The following TTBK2 variants were observed in gnomAD, a reference collection of about 807,000 sequenced individuals.
The protein encoded by TTBK2 is tau-tubulin kinase 2.
Under a neutral mutation model 110.8 loss-of-function variants are expected in TTBK2, and 28 were observed. The observed-to-expected ratio is 0.25, with a 90% CI of 0.19 to 0.35. The LOEUF (loss-of-function observed/expected upper bound fraction) is 0.35. Among genes scored for constraint, TTBK2 ranks in the 10% least tolerant of loss-of-function variants. The probability of loss-of-function intolerance (pLI) is 1.00; values close to 1 mark genes in which losing one functional copy is unlikely to be tolerated. For missense variants in TTBK2, 1,369 were observed against 1,500.3 expected (o/e 0.91, Z 1.45); for synonymous variants, 532 against 527.3 (o/e 1.01, Z -0.12).
chr15:42,881,441 CA>C (rs1013454825), intron 1 of TTBK2, among the ~76,000 whole-genome samples: 6 of 148,626 alleles, frequency 4.0e-5, no homozygotes, highest in African/African-American at 1.5e-4. Flanking sequence ...TACGAAAGCA[CA>C]ATCAATAGAT....
chr15:42,830,883 T>C (rs1425725976), intron 4 of TTBK2, among the ~76,000 whole-genome samples: 1 of 151,860 alleles, frequency 6.6e-6, no homozygotes. Context: ...TACGCGCCTG[T>C]AGTCCCAGCT....
intron 4 of TTBK2, 143 bp from the exon 5 acceptor site, chr15:42,830,221 CTT>C (rs1233436810): frequency 1.0e-6 from 1 of 979,814 alleles, no homozygotes; most frequent in East Asian, 2.8e-5. Flanking sequence ...GAGTTTCACT[CTT>C]GTTGCCCAGG....
intron 6 of TTBK2, among the ~76,000 whole-genome samples, chr15:42,817,344 TAC>T (rs933166702): frequency 1.3e-5 from 2 of 152,146 alleles, no homozygotes; most frequent in Admixed American, 6.5e-5. Context: ...CATTTTAAAA[TAC>T]AGAGGCATTT....
rs1218266909 is a variant in TTBK2, at chr15:42,827,939, C to T, written c.526G>A (p.Asp176Asn). 6.2e-7 allele frequency: 1 copy of T among 1,613,112 alleles called. No homozygotes were observed. Among genetic ancestry groups the T allele is most frequent in the East Asian group, 2.2e-5 (1 of 44,756 alleles). The change falls in exon 6 of 15, where the codon GAC becomes AAC. Residue 176 changes from aspartate (D) to asparagine (N), a missense_variant. Asp to Asn is a conservative substitution (Grantham distance 23). Transcript: ENST00000267890. ...ATGAAAAATCTTACTGGTCTGACGT[C>T]ACCACAGGAATTGGTAAATTGTCGA... is the stretch of plus-strand genomic sequence containing the variant. The part of the protein sequence containing the change: ...LARQFTNSCG[D>N]VRPPRAVAGF...
intron 3 of TTBK2, among the ~76,000 whole-genome samples, chr15:42,846,561 C>A (rs2141032741): frequency 6.6e-6 from 1 of 152,302 alleles, no homozygotes; most frequent in Non-Finnish European, 1.5e-5. Flanking sequence ...CTGACAGGAA[C>A]AACCAACTAT....
intron 13 of TTBK2, among the ~76,000 whole-genome samples, chr15:42,771,163 T>TG (rs1359383425): frequency 1.3e-5 from 2 of 151,760 alleles, no homozygotes; most frequent in Non-Finnish European, 2.9e-5. Context: ...TTAGTAGAGA[T>TG]GGGGTTTCAC....
chr15:42,878,028 AAAAG>A (rs1401817899), intron 2 of TTBK2, among the ~76,000 whole-genome samples: 2 of 151,768 alleles, frequency 1.3e-5, no homozygotes, highest in Non-Finnish European at 2.9e-5. Context: ...TAAAAAAAAA[AAAAG>A]AGAGAGCAGC....
At chr15:42,868,367 G>A (rs1894467866) in intron 3 of TTBK2, among the ~76,000 whole-genome samples, 1 of 152,136 alleles carries the variant, frequency 6.6e-6, no homozygotes, top group African/African-American at 2.4e-5. Context: ...GGGTGATAAT[G>A]ATGTATCAAT....
At chr15:42,896,860 A>AT (rs1171257825) in intron 1 of TTBK2, among the ~76,000 whole-genome samples, 1 of 151,914 alleles carries the variant, frequency 6.6e-6, no homozygotes, top group African/African-American at 2.4e-5. Context: ...TATTATTAAA[A>AT]TTTTTTTAAT....
At chr15:42,765,676 C>G (rs1889332899) in intron 13 of TTBK2, among the ~76,000 whole-genome samples, 1 of 152,150 alleles carries the variant, frequency 6.6e-6, no homozygotes. Flanking sequence ...AGAATGGAAC[C>G]AAGCTGCAAA....
Position 42,775,609 on chromosome 15 carries a change from A to G in TTBK2, c.1524T>C (p.Asp508=). ...VSRTDHIWHY[D]EEYLPDASKP... ...TGGAGGCATCTGGAAGATATTCTTCATCATAGTGCCAGATGTGGTCAGTAC... is the reference window on the plus strand; with the variant it reads ...TGGAGGCATCTGGAAGATATTCTTCGTCATAGTGCCAGATGTGGTCAGTAC... The change falls in exon 13 of 15, where the codon GAT becomes GAC. Residue 508 remains aspartate, a synonymous_variant. Coordinates refer to ENST00000267890, the MANE Select transcript of TTBK2 (RefSeq NM_173500.4). The G allele has an allele frequency of 6.2e-7, 1 of 1,614,110 alleles. No individual in the cohort carries two copies. Among genetic ancestry groups the G allele is most frequent in the Non-Finnish European group, 8.5e-7 (1 of 1,179,982 alleles).
chr15:42,794,563 G>C (rs1890848014), intron 10 of TTBK2, 81 bp downstream of exon 10: 1 of 1,592,872 alleles, frequency 6.3e-7, no homozygotes, highest in Non-Finnish European at 8.6e-7. Flanking sequence ...TTGGTCATCT[G>C]AGGGAATCTG....
intron 3 of TTBK2, among the ~76,000 whole-genome samples, chr15:42,841,985 G>A (rs1210816517): frequency 6.6e-6 from 1 of 152,186 alleles, no homozygotes; most frequent in Non-Finnish European, 1.5e-5. Context: ...TGGACAATAC[G>A]TGGAAGGTTG....
At chr15:42,766,603 C>T (rs776048767) in intron 13 of TTBK2, among the ~76,000 whole-genome samples, 1 of 151,948 alleles carries the variant, frequency 6.6e-6, no homozygotes, top group South Asian at 2.1e-4. Flanking sequence ...TATATATGCA[C>T]CCAATACAGG....
rs2061748702 is a variant in TTBK2, at chr15:42,741,178, C to CT, written c.*4616dup. 6.6e-6 allele frequency: 1 copy of CT among 152,240 alleles called. No individual in the cohort carries two copies. The highest frequency in any genetic ancestry group is 6.5e-5 in the Admixed American group (1 of 15,282). The allele number at this position is 152,240 out of a possible 1,614,324, so 9.4% of individuals were successfully genotyped here. The stretch of plus-strand genomic sequence containing the variant: ...CTCAATGATAGGATGAGTTTCCACT[C>CT]TACTTCCTTATCCTCAAGGCACACA... On this transcript the variant is annotated 3_prime_UTR_variant, in exon 15 of 15. Coordinates refer to ENST00000267890, the MANE Select transcript of TTBK2 (RefSeq NM_173500.4).
At chr15:42,823,438 G>A (rs1892393904) in intron 6 of TTBK2, among the ~76,000 whole-genome samples, 1 of 152,164 alleles carries the variant, frequency 6.6e-6, no homozygotes, top group African/African-American at 2.4e-5. Flanking sequence ...AAAGAGTAGA[G>A]GCTGTCAAAA....
chr15:42,916,518 G>A (rs773707018), intron 1 of TTBK2, among the ~76,000 whole-genome samples: 8 of 152,184 alleles, frequency 5.3e-5, no homozygotes, highest in African/African-American at 1.2e-4. Context: ...GTTGGGATGC[G>A]GTTTCGCCAC....
Position 42,805,602 on chromosome 15 carries a change from A to T in TTBK2, c.822+5012T>A, listed in dbSNP as rs1184969820. ...TAAGGCGTAATGGGGCAGAGGCAAC[A>T]ATTCTCCCATTTCCCTCCATCTCTA... On this transcript the variant is annotated intron_variant, in intron 9 of 14. Coordinates refer to ENST00000267890, the MANE Select transcript of TTBK2 (RefSeq NM_173500.4). Among the ~76,000 whole-genome samples, 12 of 152,208 alleles carry T rather than the reference A, an allele frequency of 7.9e-5. 1 individual carries two copies. Among genetic ancestry groups the T allele is most frequent in the Admixed American group, 7.8e-4 (12 of 15,290 alleles).
At chr15:42,911,228 T>C (rs954806607) in intron 1 of TTBK2, among the ~76,000 whole-genome samples, 1 of 152,146 alleles carries the variant, frequency 6.6e-6, no homozygotes, top group Non-Finnish European at 1.5e-5. Context: ...AGCCACACAT[T>C]TCTCCCATTC....
Sources: allele counts gnomAD v4.1 joint callset (sites outside exome capture counted in the v4.1 genomes callset), GRCh38; gene constraint gnomAD v4.1.1; transcripts MANE v1.5; gene names NCBI Gene and HGNC (gene_info 2026-07-23, HGNC 2026-07-21).